Variants in BANP observed in about 807,000 individuals in gnomAD.
BANP encodes BTG3 associated nuclear protein, also known as protein BANP.
Under a neutral mutation model 68.1 loss-of-function variants are expected in BANP, and 11 were observed. That is an observed-to-expected ratio of 0.16 (90% confidence interval 0.10 to 0.27). The LOEUF is 0.27. Ranked by LOEUF, BANP falls within the 10% of genes least tolerant of loss-of-function variation. The pLI is 1.00. For synonymous variants in BANP, 329 were observed against 303.2 expected (o/e 1.09, Z -0.88); for missense variants, 504 against 722.7 (o/e 0.70, Z 3.47).
At chr16:88,072,697 C>G (rs2090651817) in intron 13 of BANP, among the ~76,000 whole-genome samples, 1 of 152,200 alleles carries the variant, frequency 6.6e-6, no homozygotes, top group African/African-American at 2.4e-5. Context: ...ATCTCCATAC[C>G]TCGCAGGCAG....
chr16:88,075,902 A>C (rs548801602), intron 13 of BANP, among the ~76,000 whole-genome samples: 1 of 146,676 alleles, frequency 6.8e-6, no homozygotes, highest in East Asian at 2.2e-4. Flanking sequence ...GTGCACCGCC[A>C]CACCGGCTAA....
chr16:88,063,079 T>A (rs1219824884), intron 11 of BANP, among the ~76,000 whole-genome samples: 1 of 152,232 alleles, frequency 6.6e-6, no homozygotes, highest in Non-Finnish European at 1.5e-5. Flanking sequence ...TTTAAGAGGC[T>A]GCGCCGTGCA....
At chr16:88,068,941 C>A (rs1166288134) in intron 12 of BANP, among the ~76,000 whole-genome samples, 1 of 151,262 alleles carries the variant, frequency 6.6e-6, no homozygotes, top group East Asian at 2.0e-4. Flanking sequence ...CAGGGACTTG[C>A]TCTCTCTTTC....
intron 13 of BANP, among the ~76,000 whole-genome samples, chr16:88,075,066 C>T (rs1300427907): frequency 6.6e-6 from 1 of 152,110 alleles, no homozygotes; most frequent in Admixed American, 6.5e-5. Flanking sequence ...TTAGCTGGGG[C>T]CGGGCACGGT....
chr16:88,045,298 A>G (rs1479694773), intron 11 of BANP, among the ~76,000 whole-genome samples: 2 of 152,198 alleles, frequency 1.3e-5, no homozygotes, highest in Non-Finnish European at 2.9e-5. Context: ...GGGACGGAAG[A>G]TGGCTCGATG....
At chr16:87,962,039 A>G (rs2059252221) in intron 1 of BANP, among the ~76,000 whole-genome samples, 1 of 152,078 alleles carries the variant, frequency 6.6e-6, no homozygotes, top group African/African-American at 2.4e-5. Context: ...CTGGAGTTCA[A>G]GACCAGCCTG....
intron 2 of BANP, among the ~76,000 whole-genome samples, chr16:87,977,843 C>A (rs374397409): frequency 1.3e-5 from 2 of 151,472 alleles, no homozygotes; most frequent in East Asian, 2.0e-4. Flanking sequence ...ATTGTGATAT[C>A]TTTATTTATT....
intron 11 of BANP, among the ~76,000 whole-genome samples, chr16:88,045,189 G>C (rs1388614092): frequency 2.0e-5 from 3 of 152,188 alleles, no homozygotes; most frequent in East Asian, 1.9e-4. Context: ...AGGAAAATTA[G>C]GATTATCCGT....
intron 1 of BANP, among the ~76,000 whole-genome samples, chr16:87,967,630 T>TTTTG (rs2060287364): frequency 6.7e-6 from 1 of 148,772 alleles, no homozygotes; most frequent in Non-Finnish European, 1.5e-5. Context: ...TAATTTTTTT[T>TTTTG]TTTTTTTTTG....
chr16:88,059,362 C>A (rs984373292), intron 11 of BANP, among the ~76,000 whole-genome samples: 4 of 152,070 alleles, frequency 2.6e-5, no homozygotes, highest in African/African-American at 9.7e-5. Context: ...CTCTGCCTCT[C>A]CTCTGCTTCT....
In BANP at chr16:88,018,621, G is replaced by A; in HGVS notation, c.849G>A (p.Lys283=). ...TGTCCAACCTCTCGGGGCAGGGCAA[G>A]CACGGGAAGAAGCAGCTGGACCCGC... ...QAVSNLSGQG[K]HGKKQLDPLT... Residue 283 remains lysine (K), a synonymous_variant, in exon 7 of 14, where the codon AAG becomes AAA. Transcript: ENST00000682872. The surrounding 1 kb of genome is among the most constrained non-coding windows in gnomAD (Gnocchi z 7.7). 3.2e-6 allele frequency: 5 copies of A among 1,580,516 alleles called. No individual in the cohort carries two copies. The highest frequency in any genetic ancestry group is 3.4e-6 in the Non-Finnish European group (4 of 1,163,020).
intron 4 of BANP, among the ~76,000 whole-genome samples, chr16:88,001,786 T>C (rs963862640): frequency 7.2e-5 from 11 of 152,186 alleles, no homozygotes; most frequent in African/African-American, 2.7e-4. Flanking sequence ...TGAATTTTCG[T>C]TTCCATTTCA....
In BANP at chr16:88,002,495, G is replaced by T. The variant is rs1466415708; in HGVS notation, c.363-1800G>T. 6.6e-6 allele frequency among the ~76,000 whole-genome samples: 1 copy of T among 152,050 alleles called. No individual in the cohort carries two copies. The highest frequency in any genetic ancestry group is 1.5e-5 in the Non-Finnish European group (1 of 68,018). On this transcript the variant is annotated intron_variant, in intron 4 of 13. Transcript: ENST00000682872. The surrounding 1 kb of genome is among the most constrained non-coding windows in gnomAD (Gnocchi z 4.6). Reference sequence around the variant, plus strand: ...GAGGTTGTTTTTTAGGTGGGAAAAGGGCTTTGTGGAAGGGAACACACACAT... The same window carrying T: ...GAGGTTGTTTTTTAGGTGGGAAAAGTGCTTTGTGGAAGGGAACACACACAT...
intron 11 of BANP, among the ~76,000 whole-genome samples, chr16:88,053,418 T>TACC (rs576197210): frequency 4.7e-5 from 4 of 84,450 alleles, no homozygotes; most frequent in African/African-American, 9.8e-5. Flanking sequence ...CAACCACCTT[T>TACC]ACCACCACCA....
chr16:88,020,919 C>T (rs2075907895), intron 7 of BANP, among the ~76,000 whole-genome samples: 1 of 152,196 alleles, frequency 6.6e-6, no homozygotes, highest in South Asian at 2.1e-4. Flanking sequence ...GAGCAGAGTC[C>T]ATGGCGGTGG....
chr16:88,050,681 G>T (rs2083045195), intron 11 of BANP, among the ~76,000 whole-genome samples: 1 of 151,962 alleles, frequency 6.6e-6, no homozygotes, highest in Non-Finnish European at 1.5e-5. Flanking sequence ...TGTATTGGCT[G>T]TTTTTTCATT....
chr16:88,045,160 A>G (rs1170258140), intron 11 of BANP, among the ~76,000 whole-genome samples: 3 of 152,198 alleles, frequency 2.0e-5, no homozygotes, highest in African/African-American at 7.2e-5. Flanking sequence ...CATTCTTCTC[A>G]GGGCTTTTCA....
At chr16:88,029,642 G>T (rs542735250) in intron 8 of BANP, among the ~76,000 whole-genome samples, 1 of 151,690 alleles carries the variant, frequency 6.6e-6, no homozygotes, top group Non-Finnish European at 1.5e-5. Flanking sequence ...AGGAGAGGAG[G>T]TTTCTGTCAG....
At chr16:87,997,453 C>A (rs938797666) in intron 4 of BANP, among the ~76,000 whole-genome samples, 3 of 152,268 alleles carry the variant, frequency 2.0e-5, no homozygotes, top group African/African-American at 7.2e-5. Flanking sequence ...AGATCCTGAT[C>A]TTTCTGAGCA....
Sources: allele counts gnomAD v4.1 joint callset (sites outside exome capture counted in the v4.1 genomes callset), GRCh38; gene constraint gnomAD v4.1.1; non-coding constraint Gnocchi (gnomAD v3.1); transcripts MANE v1.5; gene names NCBI Gene and HGNC (gene_info 2026-07-23, HGNC 2026-07-21).